ZNF550: variants seen among roughly 807,000 people sequenced by gnomAD.
ZNF550 encodes zinc finger protein 550.
A neutral mutation model predicts 40.2 loss-of-function variants in ZNF550; 42 were observed. The ratio of observed to expected loss-of-function variants is 1.05; its 90% CI spans 0.82 to 1.35. The LOEUF is 1.35. ZNF550 is among the 40% of genes most tolerant of loss of function. The pLI is 0.00. For missense variants in ZNF550, 549 were observed against 525.2 expected, an observed-to-expected ratio of 1.05 and a Z score of -0.44; for synonymous variants, 223 against 198.6, an observed-to-expected ratio of 1.12 and a Z score of -1.03.
At chr19:57,547,247 G>A (rs1281678966) in exon 4 of ZNF550, 1 of 1,614,160 alleles carries the variant, frequency 6.2e-7, no homozygotes. Flanking sequence ...ATGATGTAAT[G>A]TTGAATTAGG....
At chr19:57,556,684 A>T in intron 1 of ZNF550, 1 of 228,980 alleles carries the variant, frequency 4.4e-6, no homozygotes, top group Non-Finnish European at 8.7e-6. Context: ...TCCAACCACA[A>T]TAACAGCAAC....
intron 4 of ZNF550, among the ~76,000 whole-genome samples, chr19:57,545,272 C>T (rs181667112): frequency 6.6e-5 from 10 of 152,280 alleles, no homozygotes; most frequent in South Asian, 4.1e-4. Flanking sequence ...CAAAACTTCA[C>T]GCAAATGTTT....
At chr19:57,551,910 C>G (rs2090075884) in intron 3 of ZNF550, among the ~76,000 whole-genome samples, 1 of 152,184 alleles carries the variant, frequency 6.6e-6, no homozygotes, top group Non-Finnish European at 1.5e-5. Context: ...CTCTGATGGT[C>G]TAACTGGAGG....
intron 4 of ZNF550, among the ~76,000 whole-genome samples, chr19:57,544,797 TAA>T (rs2089993938): frequency 6.6e-6 from 1 of 152,180 alleles, no homozygotes; most frequent in South Asian, 2.1e-4. Context: ...GCTTGAAAAC[TAA>T]AAGAAAATCT....
chr19:57,548,867 G>A (rs899891611), intron 3 of ZNF550, among the ~76,000 whole-genome samples: 1 of 152,182 alleles, frequency 6.6e-6, no homozygotes, highest in African/African-American at 2.4e-5. Flanking sequence ...AAAATGTGGT[G>A]TGTATACACA....
chr19:57,552,243 G>A (rs1418257695), intron 3 of ZNF550: 1 of 401,576 alleles, frequency 2.5e-6, no homozygotes, highest in African/African-American at 2.1e-5. Context: ...TCTTTTCCAT[G>A]GGCACATAGC....
exon 4 of ZNF550, chr19:57,547,833 T>C: frequency 6.2e-7 from 1 of 1,614,148 alleles, no homozygotes; most frequent in African/African-American, 1.3e-5. Flanking sequence ...TCACTTTACC[T>C]TTCTGCATTT....
chr19:57,542,564 T>C (rs2089970245), exon 5 of ZNF550: 1 of 151,508 alleles, frequency 6.6e-6, no homozygotes, highest in Non-Finnish European at 1.5e-5. Context: ...AAATATAGGA[T>C]AGAAATATAA....
chr19:57,544,181 A>G, intron 4 of ZNF550: 4 of 985,448 alleles, frequency 4.1e-6, no homozygotes, highest in Non-Finnish European at 4.8e-6. Flanking sequence ...TCTAAGTATG[A>G]CCACAACAGT....
intron 3 of ZNF550, among the ~76,000 whole-genome samples, chr19:57,549,754 G>C (rs1048188585): frequency 6.6e-6 from 1 of 152,212 alleles, no homozygotes; most frequent in East Asian, 1.9e-4. Flanking sequence ...AAAAGGGATG[G>C]AAGTACACAC....
At chr19:57,559,264 C>CG (rs879366523) in intron 1 of ZNF550, among the ~76,000 whole-genome samples, 1 of 152,052 alleles carries the variant, frequency 6.6e-6, no homozygotes, top group Admixed American at 6.5e-5. Flanking sequence ...TCCTCAACCC[C>CG]GGGGGGGGGA....
chr19:57,552,922 C>A, intron 2 of ZNF550, 200 bp from the exon 3 acceptor site: 1 of 549,914 alleles, frequency 1.8e-6, no homozygotes, highest in Non-Finnish European at 3.2e-6. Flanking sequence ...ATGTTGATGC[C>A]CTAACACCCA....
At chr19:57,559,820 C>G (rs1295845437) in exon 1 of ZNF550, 5 of 705,516 alleles carry the variant, frequency 7.1e-6, no homozygotes. Context: ...CGCGGACCAA[C>G]ACGCCCCACC....
chr19:57,543,393 GAC>G (rs1191070353), intron 4 of ZNF550: 1 of 243,436 alleles, frequency 4.1e-6, no homozygotes, highest in Non-Finnish European at 6.6e-6. Context: ...GATCCTTCCA[GAC>G]ACATTTTTTG....
chr19:57,547,541 C>G, exon 4 of ZNF550: 1 of 1,614,154 alleles, frequency 6.2e-7, no homozygotes, highest in African/African-American at 1.3e-5. Flanking sequence ...TTCCCACATG[C>G]ATTGCATTCA....
At chr19:57,556,078 C>T (rs752455560) in intron 2 of ZNF550, 153 bp downstream of exon 2, 29 of 989,970 alleles carry the variant, frequency 2.9e-5, no homozygotes, top group Admixed American at 4.1e-5. Context: ...TTTTCTACCC[C>T]GACAATCTCT....
At chr19:57,546,941 G>A in exon 4 of ZNF550, 1 of 1,573,112 alleles carries the variant, frequency 6.4e-7, no homozygotes, top group South Asian at 1.2e-5. Flanking sequence ...GTGGGTAAAG[G>A]CCTTGCTGTA....
At chr19:57,552,750 G>A in intron 2 of ZNF550, 28 bp from the exon 3 acceptor site, 1 of 1,525,730 alleles carries the variant, frequency 6.6e-7, no homozygotes, top group South Asian at 1.1e-5. Flanking sequence ...AATAGAATAG[G>A]GGTAATTTAA....
exon 4 of ZNF550, chr19:57,547,902 T>C: frequency 6.2e-7 from 1 of 1,614,114 alleles, no homozygotes; most frequent in African/African-American, 1.3e-5. Context: ...AGGTTGAAGA[T>C]TCCAGAGTCA....
Sources: gnomAD v4.1 joint callset for allele counts (sites outside exome capture counted in the v4.1 genomes callset) on GRCh38, gnomAD v4.1.1 for gene constraint, MANE v1.5 for transcripts, NCBI Gene and HGNC (gene_info 2026-07-23, HGNC 2026-07-21) for gene names.